Variants in EPN1 observed in about 807,000 individuals in gnomAD.
EPN1 encodes the protein epsin-1.
Under a neutral mutation model 56.9 loss-of-function variants are expected in EPN1, and 25 were observed. That is an observed-to-expected ratio of 0.44 (90% CI 0.32 to 0.61). The LOEUF is 0.61. EPN1 is among the 20% of genes least tolerant of loss of function. The probability of loss-of-function intolerance (pLI) is 0.05; values close to 1 mark genes in which losing one functional copy is unlikely to be tolerated. For missense variants in EPN1, 785 were observed against 823.7 expected, an observed-to-expected ratio of 0.95 and a Z score of 0.58; for synonymous variants, 411 against 361.8, an observed-to-expected ratio of 1.14 and a Z score of -1.54.
At chr19:55,681,067 A>G (rs530930324) in intron 2 of EPN1, among the ~76,000 whole-genome samples, 2 of 152,346 alleles carry the variant, frequency 1.3e-5, no homozygotes, top group South Asian at 4.1e-4. Flanking sequence ...CCATCTGTTC[A>G]GAGCCCAGGC....
rs1986793457 is a variant in EPN1, at chr19:55,694,579, G to A, written c.1265-147G>A. 1.0e-6 allele frequency: 1 copy of A among 1,001,670 alleles called. No homozygotes were observed. Among genetic ancestry groups the A allele is most frequent in the African/African-American group, 1.6e-5 (1 of 61,198 alleles). The allele number at this position is 1,001,670 out of a possible 1,614,324, so 62.0% of individuals were successfully genotyped here. On this transcript the variant is annotated intron_variant, in intron 9 of 10. Coordinates refer to ENST00000270460, the MANE Select transcript of EPN1 (RefSeq NM_001130072.2). This position sits in a 1 kb window ranked among gnomAD's most constrained non-coding sequence, Gnocchi z 4.2. ...TGAGGTTTTGGCCTGGGCAAGCGATGCTTCCGCTCTGCACCTCAGTTCCTC... is the reference window on the plus strand; with the variant it reads ...TGAGGTTTTGGCCTGGGCAAGCGATACTTCCGCTCTGCACCTCAGTTCCTC...
In EPN1 at chr19:55,695,122, G is replaced by T; in HGVS notation, c.1523-26G>T. The T allele has an allele frequency of 6.2e-7, 1 of 1,613,374 alleles. No individual in the cohort carries two copies. The highest frequency in any genetic ancestry group is 8.5e-7 in the Non-Finnish European group (1 of 1,179,612). ...TGGGCTGCGCCACTGACTCCACTCC[G>T]TGTCTCTGGTTTACTCTTCCTGCAG... On this transcript the variant is annotated intron_variant, in intron 10 of 10. Coordinates refer to ENST00000270460, the MANE Select transcript of EPN1 (RefSeq NM_001130072.2). This position sits in a 1 kb window ranked among gnomAD's most constrained non-coding sequence, Gnocchi z 4.4.
chr19:55,687,356 G>T (rs1443511300), intron 3 of EPN1, among the ~76,000 whole-genome samples: 1 of 152,096 alleles, frequency 6.6e-6, no homozygotes, highest in East Asian at 1.9e-4. Flanking sequence ...AAGGGCCTGT[G>T]GTCCCCGGGC....
At chr19:55,690,386 C>T (rs998960514) in intron 6 of EPN1, among the ~76,000 whole-genome samples, 10 of 152,260 alleles carry the variant, frequency 6.6e-5, no homozygotes, top group Middle Eastern at 3.2e-3. Flanking sequence ...GGCATGGTCC[C>T]GCCCTCGCGA....
rs776876083 is a variant in EPN1 at position 55,709,066 on chromosome 19, T to A, written c.*13710T>A. The stretch of plus-strand genomic sequence containing the variant: ...CAGCCTGGGAAAATAGAAATAAAGT[T>A]TTTTTTTTTGTTTTTCATTTTTACA... On this transcript the variant is annotated 3_prime_UTR_variant, in exon 11 of 11. Transcript: ENST00000270460. 1 of 1,541,424 alleles carries A rather than the reference T, an allele frequency of 6.5e-7. No individual in the cohort carries two copies.
intron 3 of EPN1, among the ~76,000 whole-genome samples, chr19:55,686,827 C>T (rs575924229): frequency 6.9e-6 from 1 of 144,696 alleles, no homozygotes; most frequent in African/African-American, 2.5e-5. Context: ...AGGTGGGTGG[C>T]GGGGTTGGGG....
In EPN1 at chr19:55,703,835, G is replaced by C. The variant is rs577827577; in HGVS notation, c.*8479G>C. ...GCACCTGCGTGTGAGCGGCTACCGC[G>C]TGGGCTGGGATTGGAGGAAGCTGGA... On this transcript the variant is annotated 3_prime_UTR_variant, in exon 11 of 11. Coordinates refer to ENST00000270460, the MANE Select transcript of EPN1 (RefSeq NM_001130072.2). 2 of 152,226 alleles carry C rather than the reference G, an allele frequency of 1.3e-5. No homozygotes were observed. The highest frequency in any genetic ancestry group is 2.4e-5 in the African/African-American group (1 of 41,444). The allele number at this position is 152,226 out of a possible 1,614,324, so 9.4% of individuals were successfully genotyped here.
Position 55,708,897 on chromosome 19 carries a change from T to A in EPN1, c.*13541T>A, listed in dbSNP as rs779782195. ...GGAAAGCCTTTGTGAGACGACTACT[T>A]CAGGGTGTTCCCCATCAGAGGAGCA... On this transcript the variant is annotated 3_prime_UTR_variant, in exon 11 of 11. Coordinates refer to ENST00000270460, the MANE Select transcript of EPN1 (RefSeq NM_001130072.2). The A allele has an allele frequency of 1.3e-6, 2 of 1,525,810 alleles. No homozygotes were observed. The highest frequency in any genetic ancestry group is 2.6e-5 in the South Asian group (2 of 77,236). The allele number at this position is 1,525,810 out of a possible 1,614,324, so 94.5% of individuals were successfully genotyped here. A position where few individuals can be genotyped will look rare whatever the true frequency, so the allele number is the denominator to read the frequency against.
In EPN1 at chr19:55,702,551, T is replaced by C. The variant is rs1987193161; in HGVS notation, c.*7195T>C. The C allele has an allele frequency of 6.6e-6, 1 of 152,266 alleles. No homozygotes were observed. Among genetic ancestry groups the C allele is most frequent in the Non-Finnish European group, 1.5e-5 (1 of 68,050 alleles). The allele number at this position is 152,266 out of a possible 1,614,324, so 9.4% of individuals were successfully genotyped here. A position where few individuals can be genotyped will look rare whatever the true frequency, so the allele number is the denominator to read the frequency against. ...GTGCCCGAGTTGCTTATCTGTGTTTTACAGCCTGAAAGATCAGGCTGCTCT... is the reference window on the plus strand; with the variant it reads ...GTGCCCGAGTTGCTTATCTGTGTTTCACAGCCTGAAAGATCAGGCTGCTCT... On this transcript the variant is annotated 3_prime_UTR_variant, in exon 11 of 11. Coordinates refer to ENST00000270460, the MANE Select transcript of EPN1 (RefSeq NM_001130072.2).
chr19:55,703,978 C>G lies in EPN1; in HGVS notation c.*8622C>G, dbSNP rs1568586813. On this transcript the variant is annotated 3_prime_UTR_variant, in exon 11 of 11. Transcript: ENST00000270460. ...CCGTGCGCGCTTGTGCTCCTTCCTT[C>G]TGGGCCAGCGCGCAGACTATCAACC... 6.6e-6 allele frequency: 1 copy of G among 152,060 alleles called. No individual in the cohort carries two copies. The highest frequency in any genetic ancestry group is 1.5e-5 in the Non-Finnish European group (1 of 67,934). 9.4% of individuals were successfully genotyped at this position (152,060 alleles called of 1,614,324 possible).
intron 9 of EPN1, 181 bp downstream of exon 9, chr19:55,693,218 T>G: frequency 1.8e-6 from 1 of 541,852 alleles, no homozygotes; most frequent in Non-Finnish European, 3.3e-6. Context: ...GTGTGCATCT[T>G]TATTTTAGAG....
chr19:55,704,305 C>CCA lies in EPN1; in HGVS notation c.*8951_*8952dup, dbSNP rs1987289459. 1 of 152,324 alleles carries CCA rather than the reference C, an allele frequency of 6.6e-6. No homozygotes were observed. Among genetic ancestry groups the CCA allele is most frequent in the African/African-American group, 2.4e-5 (1 of 41,454 alleles). The allele number at this position is 152,324 out of a possible 1,614,324, so 9.4% of individuals were successfully genotyped here. On this transcript the variant is annotated 3_prime_UTR_variant, in exon 11 of 11. Transcript: ENST00000270460. ...AAGCTCTATGTTGAAACCCTACCCCCCACCCTGCACCGACCCCGTACCCCA... is the reference window on the plus strand; with the variant it reads ...AAGCTCTATGTTGAAACCCTACCCCCCACACCCTGCACCGACCCCGTACCCCA...
chr19:55,677,490 G>A (rs748376690), intron 1 of EPN1: 4 of 966,118 alleles, frequency 4.1e-6, no homozygotes, highest in Non-Finnish European at 3.1e-6. Flanking sequence ...GGTGGGCCTC[G>A]GGTTGAGTCT....
rs144286636 is a variant in EPN1, at chr19:55,709,074, T to G, written c.*13718T>G. On this transcript the variant is annotated 3_prime_UTR_variant, in exon 11 of 11. Transcript: ENST00000270460. Reference sequence around the variant, plus strand: ...GAAAATAGAAATAAAGTTTTTTTTTTTGTTTTTCATTTTTACACAGTATTG... The same window carrying G: ...GAAAATAGAAATAAAGTTTTTTTTTGTGTTTTTCATTTTTACACAGTATTG... 4,315 of 1,542,264 alleles carry G rather than the reference T, an allele frequency of 2.8e-3. 66 individuals carry two copies. The African/African-American group carries it at 0.032, about 11-fold the overall frequency.
Position 55,699,493 on chromosome 19 carries a change from A to G in EPN1, c.*4137A>G, listed in dbSNP as rs929670994. ...TGTGGTGAGAAACCGGCCTACTCAC[A>G]TCACAGGTGCCCCTGGAGTTTCTCA... On this transcript the variant is annotated 3_prime_UTR_variant, in exon 11 of 11. Coordinates refer to ENST00000270460, the MANE Select transcript of EPN1 (RefSeq NM_001130072.2). 6.6e-6 allele frequency: 1 copy of G among 152,236 alleles called. No individual in the cohort carries two copies. The allele number at this position is 152,236 out of a possible 1,614,324, so 9.4% of individuals were successfully genotyped here.
chr19:55,692,121 T>C, intron 7 of EPN1, 64 bp downstream of exon 7: 1 of 1,365,158 alleles, frequency 7.3e-7, no homozygotes, highest in Non-Finnish European at 9.5e-7. Context: ...TGGTTGACTG[T>C]GCCCTTGGAC....
At chr19:55,677,090 C>G in intron 1 of EPN1, 1 of 1,536,926 alleles carries the variant, frequency 6.5e-7, no homozygotes, top group Non-Finnish European at 8.8e-7. Flanking sequence ...GCCAGCCTCT[C>G]TCCGTCATCC....
In EPN1 at chr19:55,695,489, C is replaced by T. The variant is rs1166602353; in HGVS notation, c.*133C>T. 1 of 608,740 alleles carries T rather than the reference C, an allele frequency of 1.6e-6. No individual in the cohort carries two copies. Among genetic ancestry groups the T allele is most frequent in the African/African-American group, 1.9e-5 (1 of 53,954 alleles). 37.7% of individuals were successfully genotyped at this position (608,740 alleles called of 1,614,324 possible). On this transcript the variant is annotated 3_prime_UTR_variant, in exon 11 of 11. Coordinates refer to ENST00000270460, the MANE Select transcript of EPN1 (RefSeq NM_001130072.2). This position sits in a 1 kb window ranked among gnomAD's most constrained non-coding sequence, Gnocchi z 4.4. ...TTCCCCTTCCTGGGGCCCACTCACA[C>T]TACACCCTCTTCCTTTCCCACCCCA...
Position 55,703,148 on chromosome 19 carries a change from C to G in EPN1, c.*7792C>G, listed in dbSNP as rs1987230346. 1 of 152,260 alleles carries G rather than the reference C, an allele frequency of 6.6e-6. No individual in the cohort carries two copies. The highest frequency in any genetic ancestry group is 1.9e-4 in the East Asian group (1 of 5,168). The allele number at this position is 152,260 out of a possible 1,614,324, so 9.4% of individuals were successfully genotyped here. A position where few individuals can be genotyped will look rare whatever the true frequency, so the allele number is the denominator to read the frequency against. On this transcript the variant is annotated 3_prime_UTR_variant, in exon 11 of 11. Coordinates refer to ENST00000270460, the MANE Select transcript of EPN1 (RefSeq NM_001130072.2). ...TCCTTTGGCCCTGCGTGGTCTCTCT[C>G]TGGCTGGGCAGCTCTGGGCCAGCCA...
Sources: allele counts gnomAD v4.1 joint callset (sites outside exome capture counted in the v4.1 genomes callset), GRCh38; gene constraint gnomAD v4.1.1; non-coding constraint Gnocchi (gnomAD v3.1); transcripts MANE v1.5; gene names NCBI Gene and HGNC (gene_info 2026-07-23, HGNC 2026-07-21).